KLHL20: variants seen among roughly 807,000 people sequenced by gnomAD.
KLHL20 encodes kelch like family member 20, also known as kelch-like protein 20.
Under a neutral mutation model 69.5 loss-of-function variants are expected in KLHL20, and 29 were observed. The observed-to-expected ratio is 0.42, with a 90% CI of 0.31 to 0.57. The LOEUF is 0.57. KLHL20 is among the 20% of genes least tolerant of loss of function. The pLI is 0.18. For missense variants in KLHL20, 419 were observed against 776.0 expected, an observed-to-expected ratio of 0.54 and a Z score of 5.47; for synonymous variants, 253 against 265.2, an observed-to-expected ratio of 0.95 and a Z score of 0.45.
intron 6 of KLHL20, 66 bp from the exon 7 acceptor site, chr1:173,756,910 A>C: frequency 6.9e-7 from 1 of 1,459,786 alleles, no homozygotes; most frequent in Non-Finnish European, 9.5e-7. Flanking sequence ...CAGTGAAGTT[A>C]GTAGTGAGTG....
chr1:173,727,505 G>A (rs1159488983), intron 2 of KLHL20, among the ~76,000 whole-genome samples: 5 of 152,164 alleles, frequency 3.3e-5, no homozygotes, highest in Admixed American at 3.3e-4. Context: ...AGAGAGAAAG[G>A]TCAGGTAACC....
At chr1:173,745,307 C>A (rs914641051) in intron 3 of KLHL20, among the ~76,000 whole-genome samples, 1 of 150,852 alleles carries the variant, frequency 6.6e-6, no homozygotes, top group African/African-American at 2.4e-5. Context: ...AGATTACAGG[C>A]GTGCACCACC....
chr1:173,728,927 A>G (rs1039157022), intron 2 of KLHL20, among the ~76,000 whole-genome samples: 9 of 152,240 alleles, frequency 5.9e-5, no homozygotes, highest in South Asian at 2.1e-4. Context: ...CAAAAAATCA[A>G]TGAATCCAGG....
intron 3 of KLHL20, among the ~76,000 whole-genome samples, chr1:173,745,294 C>T (rs990494688): frequency 6.6e-6 from 1 of 150,472 alleles, no homozygotes; most frequent in African/African-American, 2.4e-5. Context: ...TCCCGGGAAG[C>T]TGAGATTACA....
intron 8 of KLHL20, among the ~76,000 whole-genome samples, chr1:173,771,184 G>A (rs1648068600): frequency 6.6e-6 from 1 of 152,206 alleles, no homozygotes; most frequent in African/African-American, 2.4e-5. Context: ...TAAGAAATTA[G>A]GGAATCTTGT....
chr1:173,775,363 C>G (rs1484005917), intron 9 of KLHL20, among the ~76,000 whole-genome samples: 1 of 152,104 alleles, frequency 6.6e-6, no homozygotes, highest in Non-Finnish European at 1.5e-5. Context: ...GGCTGAGAGT[C>G]ATGTAGCTAA....
In KLHL20 at chr1:173,774,369, G is replaced by A. The variant is rs1346661457; in HGVS notation, c.1360G>A (p.Ala454Thr). ...TATGAGTACCAGAAGACTAGGTGTG[G>A]CTGTGGCTGTGTTAGGAGGGTTCTT... The part of the protein sequence containing the change: ...ASMSTRRLGV[A>T]VAVLGGFLYA... Residue 454 changes from alanine to threonine, a missense_variant, in exon 9 of 12, where the codon GCT (alanine) becomes ACT (threonine). Physicochemically the swap from Ala to Thr is moderately conservative, Grantham distance 58. Around this residue, in one of 6 missense-constraint regions of KLHL20, gnomAD observed 56 missense variants for 75.9 expected, o/e 0.74. Coordinates refer to ENST00000209884, the MANE Select transcript of KLHL20 (RefSeq NM_014458.4). The A allele has an allele frequency of 6.2e-7, 1 of 1,614,106 alleles. No homozygotes were observed. The highest frequency in any genetic ancestry group is 8.5e-7 in the Non-Finnish European group (1 of 1,180,014).
At chr1:173,766,112 A>T in intron 7 of KLHL20, 34 bp from the exon 8 acceptor site, 1 of 1,518,542 alleles carries the variant, frequency 6.6e-7, no homozygotes, top group Non-Finnish European at 8.8e-7. Flanking sequence ...TCCTTTGTGT[A>T]ATACAAACTC....
chr1:173,742,766 G>A (rs544516187), intron 3 of KLHL20, among the ~76,000 whole-genome samples: 22 of 150,314 alleles, frequency 1.5e-4, no homozygotes, highest in Non-Finnish European at 3.0e-4. Flanking sequence ...ATATATACAC[G>A]TATATTTCAG....
chr1:173,751,809 A>G lies in KLHL20; in HGVS notation c.643A>G (p.Ile215Val), dbSNP rs1411760652. The G allele has an allele frequency of 1.2e-6, 2 of 1,614,118 alleles. No homozygotes were observed. The highest frequency in any genetic ancestry group is 1.1e-5 in the South Asian group (1 of 91,084). Residue 215 changes from isoleucine to valine, a missense_variant, in exon 4 of 12, where the codon ATT (isoleucine) becomes GTT (valine). This residue lies in a region of KLHL20 where 99 missense variants were observed against 240.7 expected (regional missense o/e 0.41). Coordinates refer to ENST00000209884, the MANE Select transcript of KLHL20 (RefSeq NM_014458.4). ...CATGTTGCTTCCAGCCAATCAACTC[A>G]TTGATATAATATCCAGTGATGAGCT... ...EFMLLPANQL[I>V]DIISSDELNV... is the part of the protein sequence containing the mutation.
At chr1:173,749,329 T>G (rs1673205866) in intron 3 of KLHL20, among the ~76,000 whole-genome samples, 1 of 152,200 alleles carries the variant, frequency 6.6e-6, no homozygotes, top group Admixed American at 6.5e-5. Flanking sequence ...GTTTTCAGCT[T>G]TATTCATTCT....
At chr1:173,727,671 A>G (rs1345295904) in intron 2 of KLHL20, among the ~76,000 whole-genome samples, 1 of 152,218 alleles carries the variant, frequency 6.6e-6, no homozygotes, top group East Asian at 1.9e-4. Context: ...GTGAAGGAGA[A>G]ATAAGATCCT....
Position 173,728,700 on chromosome 1 carries a change from C to A in KLHL20, c.24-5013C>A, listed in dbSNP as rs985077443. 3.9e-5 allele frequency among the ~76,000 whole-genome samples: 6 copies of A among 152,108 alleles called. No individual in the cohort carries two copies. The South Asian group carries it at 1.2e-3, about 32-fold the overall frequency. On this transcript the variant is annotated intron_variant, in intron 2 of 11. Coordinates refer to ENST00000209884, the MANE Select transcript of KLHL20 (RefSeq NM_014458.4). The stretch of plus-strand genomic sequence containing the variant: ...AGATGTTCTTTGAAACCAACGAGAA[C>A]AAAGACACAACATACCAGAATCTCT...
chr1:173,743,324 A>G (rs1672912627), intron 3 of KLHL20, among the ~76,000 whole-genome samples: 1 of 152,112 alleles, frequency 6.6e-6, no homozygotes, highest in Admixed American at 6.5e-5. Context: ...CGCTTTGTCC[A>G]GATTCACCAG....
At chr1:173,778,231 C>T (rs767234441) in intron 10 of KLHL20, among the ~76,000 whole-genome samples, 6 of 151,940 alleles carry the variant, frequency 3.9e-5, no homozygotes, top group Non-Finnish European at 8.8e-5. Context: ...AGCCCCCCAC[C>T]CCCCGACAGG....
intron 2 of KLHL20, among the ~76,000 whole-genome samples, chr1:173,716,792 T>A (rs1671483310): frequency 6.6e-6 from 1 of 152,206 alleles, no homozygotes; most frequent in African/African-American, 2.4e-5. Context: ...GATAAACAAC[T>A]TCTGCAGTTC....
intron 7 of KLHL20, among the ~76,000 whole-genome samples, chr1:173,763,629 A>AG (rs1336743106): frequency 1.3e-5 from 2 of 152,152 alleles, no homozygotes; most frequent in African/African-American, 4.8e-5. Flanking sequence ...AAAAACATAA[A>AG]GGGGGGCAAG....
At position 173,786,019 on chromosome 1, in the gene KLHL20, TCA is replaced by T. The variant is rs1649185066; in HGVS notation, c.*775_*776del. Reference sequence around the variant, plus strand: ...ATGCTGTCTTGAGAATCCAAGAGAATCACATGCAGCTCTGCAACAGTTTTTGC... The same window carrying T: ...ATGCTGTCTTGAGAATCCAAGAGAATCATGCAGCTCTGCAACAGTTTTTGC... On this transcript the variant is annotated 3_prime_UTR_variant, in exon 12 of 12. Coordinates refer to ENST00000209884, the MANE Select transcript of KLHL20 (RefSeq NM_014458.4). The T allele has an allele frequency of 6.6e-6, 1 of 152,188 alleles. No individual in the cohort carries two copies. The highest frequency in any genetic ancestry group is 6.5e-5 in the Admixed American group (1 of 15,272). The allele number at this position is 152,188 out of a possible 1,614,324, so 9.4% of individuals were successfully genotyped here.
In KLHL20 at chr1:173,757,118, A is replaced by C. The variant is rs1447004088; in HGVS notation, c.1110A>C (p.Val370=). The change falls in exon 7 of 12, where the codon GTA becomes GTC. Residue 370 remains valine (V), a synonymous_variant. Transcript: ENST00000209884. Reference sequence around the variant, plus strand: ...TTCTTGATGATCTGTTATATGCAGTAGGAGGCCATGATGGATCCTCTTATC... The same window carrying C: ...TTCTTGATGATCTGTTATATGCAGTCGGAGGCCATGATGGATCCTCTTATC... ...VSVLDDLLYA[V]GGHDGSSYLN... The C allele has an allele frequency of 6.2e-7, 1 of 1,613,964 alleles. No homozygotes were observed. The highest frequency in any genetic ancestry group is 8.5e-7 in the Non-Finnish European group (1 of 1,179,870).
Sources: allele counts gnomAD v4.1 joint callset (sites outside exome capture counted in the v4.1 genomes callset), GRCh38; gene constraint gnomAD v4.1.1; regional missense constraint gnomAD v4.1.1; transcripts MANE v1.5; gene names NCBI Gene and HGNC (gene_info 2026-07-23, HGNC 2026-07-21).